Variants in SLC10A7 observed in about 807,000 individuals in gnomAD.
SLC10A7 encodes solute carrier family 10 member 7.
Under a neutral mutation model 43.2 loss-of-function variants are expected in SLC10A7, and 29 were observed. That is an observed-to-expected ratio of 0.67 (90% CI 0.50 to 0.92). The LOEUF is 0.92. Among genes scored for constraint, SLC10A7 ranks in the 40% least tolerant of loss-of-function variants. The probability of loss-of-function intolerance (pLI) is 0.00; values close to 1 mark genes in which losing one functional copy is unlikely to be tolerated. For synonymous variants in SLC10A7, 152 were observed against 144.8 expected (o/e 1.05, Z -0.35); for missense variants, 295 against 403.2 (o/e 0.73, Z 2.30).
rs559213299 is a variant in SLC10A7, at chr4:146,341,012, A to G, written c.436-15016T>C. ...ACAGTTTAAAAAAAAATCTATGCACAGCACATTAGTATGAATCACTGCATG... is the reference window on the plus strand; with the variant it reads ...ACAGTTTAAAAAAAAATCTATGCACGGCACATTAGTATGAATCACTGCATG... On this transcript the variant is annotated intron_variant, in intron 5 of 11. Coordinates refer to ENST00000335472, the MANE Select transcript of SLC10A7 (RefSeq NM_001029998.6). Among the ~76,000 whole-genome samples, 5 of 152,022 alleles carry G rather than the reference A, an allele frequency of 3.3e-5. No homozygotes were observed. In the East Asian group the frequency reaches 7.7e-4, roughly 24 times the overall value.
intron 5 of SLC10A7, among the ~76,000 whole-genome samples, chr4:146,394,192 C>T (rs1368131280): frequency 6.6e-6 from 1 of 152,186 alleles, no homozygotes; most frequent in Non-Finnish European, 1.5e-5. Flanking sequence ...TTCGAATTCT[C>T]ATAATCCATG....
chr4:146,401,305 T>C (rs879539344), intron 5 of SLC10A7, among the ~76,000 whole-genome samples: 6 of 152,190 alleles, frequency 3.9e-5, no homozygotes, highest in Non-Finnish European at 8.8e-5. Context: ...CCCCAAATTA[T>C]GGTTACTATC....
chr4:146,262,742 C>A (rs1431564182), intron 10 of SLC10A7, among the ~76,000 whole-genome samples: 1 of 152,230 alleles, frequency 6.6e-6, no homozygotes, highest in South Asian at 2.1e-4. Flanking sequence ...CTCCATCCCC[C>A]TCACCTTCGT....
intron 4 of SLC10A7, among the ~76,000 whole-genome samples, chr4:146,448,522 C>T (rs1731309941): frequency 6.6e-6 from 1 of 152,104 alleles, no homozygotes; most frequent in Non-Finnish European, 1.5e-5. Flanking sequence ...TTTCATAATG[C>T]TGGTCCAACA....
At chr4:146,375,416 G>A (rs1033614341) in intron 5 of SLC10A7, among the ~76,000 whole-genome samples, 2 of 152,042 alleles carry the variant, frequency 1.3e-5, no homozygotes, top group Non-Finnish European at 2.9e-5. Context: ...AAATCCTCAC[G>A]CTTAACTCCC....
intron 3 of SLC10A7, among the ~76,000 whole-genome samples, chr4:146,507,143 ATGTTT>A (rs1371872443): frequency 6.6e-6 from 1 of 152,198 alleles, no homozygotes; most frequent in Non-Finnish European, 1.5e-5. Context: ...AAGAATTCAT[ATGTTT>A]TCTGAAAAAT....
At chr4:146,359,319 T>C (rs1180913662) in intron 5 of SLC10A7, among the ~76,000 whole-genome samples, 1 of 152,152 alleles carries the variant, frequency 6.6e-6, no homozygotes, top group Non-Finnish European at 1.5e-5. Flanking sequence ...AAATAACTTC[T>C]TGGATTGTAT....
At chr4:146,293,882 T>A (rs751829006) in intron 8 of SLC10A7, 48 bp downstream of exon 8, 1 of 1,403,162 alleles carries the variant, frequency 7.1e-7, no homozygotes, top group Non-Finnish European at 1.0e-6. Flanking sequence ...TACGCGTTGC[T>A]ATTGAGGACA....
intron 5 of SLC10A7, among the ~76,000 whole-genome samples, chr4:146,355,219 G>A (rs1357609632): frequency 2.0e-5 from 3 of 151,892 alleles, no homozygotes; most frequent in Non-Finnish European, 4.4e-5. Flanking sequence ...CCATCAAAAA[G>A]TGGGCAAAGG....
intron 7 of SLC10A7, among the ~76,000 whole-genome samples, chr4:146,297,171 G>A (rs758948213): frequency 2.0e-5 from 3 of 152,044 alleles, no homozygotes; most frequent in Non-Finnish European, 4.4e-5. Flanking sequence ...AAATGTAGGC[G>A]TTCAAAATTA....
rs946603681 is a variant in SLC10A7, at chr4:146,416,600, T to C, written c.435+26183A>G. Reference sequence around the variant, plus strand: ...ATTTCACAATAATTACTTAAAGTTCTGATAGGTGCTTTAAAGGAACTGCAC... The same window carrying C: ...ATTTCACAATAATTACTTAAAGTTCCGATAGGTGCTTTAAAGGAACTGCAC... On this transcript the variant is annotated intron_variant, in intron 5 of 11. Coordinates refer to ENST00000335472, the MANE Select transcript of SLC10A7 (RefSeq NM_001029998.6). Among the ~76,000 whole-genome samples the C allele has an allele frequency of 2.0e-5, 3 of 152,198 alleles. No homozygotes were observed. In the East Asian group the frequency reaches 5.8e-4, roughly 29 times the overall value.
At chr4:146,290,149 C>A (rs1337210180) in intron 9 of SLC10A7, among the ~76,000 whole-genome samples, 1 of 150,382 alleles carries the variant, frequency 6.6e-6, no homozygotes, top group East Asian at 2.0e-4. Flanking sequence ...ATGCTGAAAC[C>A]CCATCTCTAC....
At chr4:146,469,932 C>A (rs1733410340) in intron 4 of SLC10A7, among the ~76,000 whole-genome samples, 1 of 152,130 alleles carries the variant, frequency 6.6e-6, no homozygotes, top group Admixed American at 6.5e-5. Flanking sequence ...CCACACCCAG[C>A]CCAAAACAAC....
intron 5 of SLC10A7, among the ~76,000 whole-genome samples, chr4:146,426,317 G>C (rs1454405086): frequency 6.6e-6 from 1 of 152,188 alleles, no homozygotes; most frequent in African/African-American, 2.4e-5. Flanking sequence ...GAGGTATTGA[G>C]TGATTTCCAG....
chr4:146,332,750 T>C (rs72950658), intron 5 of SLC10A7, among the ~76,000 whole-genome samples: 302 of 152,282 alleles, frequency 2.0e-3, no homozygotes, highest in African/African-American at 6.8e-3. Context: ...TAATACACCA[T>C]GCTTGTCAAG....
At chr4:146,404,030 CTTTTGT>C (rs141674946) in intron 5 of SLC10A7, among the ~76,000 whole-genome samples, 1 of 151,910 alleles carries the variant, frequency 6.6e-6, no homozygotes, top group Non-Finnish European at 1.5e-5. Flanking sequence ...CAACAGTGTG[CTTTTGT>C]TTTTGTTTTT....
chr4:146,389,024 A>T (rs1338978504), intron 5 of SLC10A7, among the ~76,000 whole-genome samples: 1 of 152,170 alleles, frequency 6.6e-6, no homozygotes, highest in Non-Finnish European at 1.5e-5. Context: ...TCTACAAGGA[A>T]CTCAAACAAC....
intron 9 of SLC10A7, among the ~76,000 whole-genome samples, chr4:146,290,750 C>T (rs1452874924): frequency 2.0e-5 from 3 of 152,058 alleles, no homozygotes; most frequent in Non-Finnish European, 4.4e-5. Context: ...TCTCAGCTAA[C>T]TCAGGAGGCT....
At chr4:146,519,083 ATATATATATATATATATATATATATATAT>A (rs1738316176) in intron 1 of SLC10A7, among the ~76,000 whole-genome samples, 2 of 58,552 alleles carry the variant, frequency 3.4e-5, no homozygotes, top group South Asian at 4.5e-4. Context: ...ATATATATAT[ATATATATATATATATATATATATATATAT>A]AATATAATAT....
Sources: gnomAD v4.1 joint callset for allele counts (sites outside exome capture counted in the v4.1 genomes callset) on GRCh38, gnomAD v4.1.1 for gene constraint, MANE v1.5 for transcripts, NCBI Gene and HGNC (gene_info 2026-07-23, HGNC 2026-07-21) for gene names.